NUDT21: variants seen among roughly 807,000 people sequenced by gnomAD.
NUDT21 encodes the protein cleavage and polyadenylation specificity factor subunit 5.
NUDT21 carries 5 observed loss-of-function variants against 29.8 expected under a neutral mutation model. The observed-to-expected ratio is 0.17, with a 90% CI of 0.09 to 0.35. The LOEUF is 0.35. NUDT21 is among the 10% of genes least tolerant of loss of function. NUDT21 has a pLI of 1.00. For missense variants in NUDT21, 76 were observed against 276.0 expected, an observed-to-expected ratio of 0.28 and a Z score of 5.13; for synonymous variants, 113 against 98.5, an observed-to-expected ratio of 1.15 and a Z score of -0.87.
intron 4 of NUDT21, among the ~76,000 whole-genome samples, chr16:56,437,621 G>C (rs1416448019): frequency 2.6e-5 from 4 of 152,096 alleles, no homozygotes; most frequent in African/African-American, 9.7e-5. Flanking sequence ...TATCCAATGG[G>C]GTATAGGAGT....
rs114669844 is a variant in NUDT21, at chr16:56,446,833, G to C, written c.318-144C>G. 1,540 of 534,224 alleles carry C rather than the reference G, an allele frequency of 2.9e-3. 18 individuals carry two copies. Among genetic ancestry groups the C allele is most frequent in the African/African-American group, 0.025 (1,289 of 50,764 alleles). 33.1% of individuals were successfully genotyped at this position (534,224 alleles called of 1,614,324 possible). ...CAAAACAAGTATCAAAGTGAAGGGG[G>C]AGAATATGCTTGAATTCATGTCAAT... On this transcript the variant is annotated intron_variant, in intron 2 of 6. Coordinates refer to ENST00000300291, the MANE Select transcript of NUDT21 (RefSeq NM_007006.3).
chr16:56,447,729 G>A, intron 2 of NUDT21, 60 bp downstream of exon 2: 3 of 1,452,706 alleles, frequency 2.1e-6, no homozygotes, highest in Non-Finnish European at 2.9e-6. Context: ...GTATTCCAGA[G>A]CTGCATAAAC....
intron 4 of NUDT21, among the ~76,000 whole-genome samples, chr16:56,435,743 T>TCA (rs1491361552): frequency 3.7e-5 from 1 of 27,070 alleles, no homozygotes; most frequent in East Asian, 1.0e-3. Flanking sequence ...AAAAAAAAAA[T>TCA]TATATATATA....
chr16:56,435,454 C>T (rs1213305120), intron 4 of NUDT21, among the ~76,000 whole-genome samples: 2 of 151,510 alleles, frequency 1.3e-5, no homozygotes, highest in Non-Finnish European at 1.5e-5. Context: ...AGGCTGGGCA[C>T]AGTGGCTCAC....
chr16:56,449,477 C>T (rs184240245), intron 1 of NUDT21, among the ~76,000 whole-genome samples: 1 of 152,250 alleles, frequency 6.6e-6, no homozygotes, highest in East Asian at 1.9e-4. Context: ...TTAATGTTAA[C>T]TCAGGTGAAC....
intron 5 of NUDT21, 132 bp downstream of exon 5, chr16:56,434,622 G>T: frequency 2.5e-6 from 2 of 790,318 alleles, no homozygotes; most frequent in Non-Finnish European, 4.3e-6. Context: ...GAAACTAAAA[G>T]CATGGTATAC....
At position 56,447,961 on chromosome 16, in the gene NUDT21, T is replaced by C. The variant is rs1962236942; in HGVS notation, c.145A>G (p.Thr49Ala). ...LYPLTNYTFG[T>A]KEPLYEKDSS... ...TCCTTCTCGTAGAGGGGCTCTTTTGTACCAAAAGTATAATTGGTAAGAGGG... is the reference window on the plus strand; with the variant it reads ...TCCTTCTCGTAGAGGGGCTCTTTTGCACCAAAAGTATAATTGGTAAGAGGG... The change falls in exon 2 of 7, where the codon ACA (threonine) becomes GCA (alanine). Residue 49 changes from threonine to alanine, a missense_variant. Thr to Ala is a moderately conservative substitution (Grantham distance 58). Around this residue, in one of 5 missense-constraint regions of NUDT21, gnomAD observed 27 missense variants for 149.5 expected, o/e 0.18. Transcript: ENST00000300291. The C allele has an allele frequency of 1.2e-6, 2 of 1,613,912 alleles. No individual in the cohort carries two copies. Among genetic ancestry groups the C allele is most frequent in the Non-Finnish European group, 1.7e-6 (2 of 1,179,930 alleles).
Position 56,446,695 on chromosome 16 carries a change from T to C in NUDT21, c.318-6A>G, listed in dbSNP as rs1409031107. On this transcript the variant is annotated splice_polypyrimidine_tract_variant and splice_region_variant and intron_variant, in intron 2 of 6. Transcript: ENST00000300291. ...GGTTAAGTTCACCACCAGGTCTGTATAAAAGTTAAGAATTTCAGCTTTCAA... is the reference window on the plus strand; with the variant it reads ...GGTTAAGTTCACCACCAGGTCTGTACAAAAGTTAAGAATTTCAGCTTTCAA... The C allele has an allele frequency of 1.3e-6, 2 of 1,579,198 alleles. No homozygotes were observed. Among genetic ancestry groups the C allele is most frequent in the South Asian group, 1.2e-5 (1 of 86,910 alleles).
At chr16:56,440,937 A>G (rs1410304691) in intron 3 of NUDT21, among the ~76,000 whole-genome samples, 2 of 151,838 alleles carry the variant, frequency 1.3e-5, no homozygotes, top group Non-Finnish European at 2.9e-5. Context: ...ATGGGGTTTC[A>G]CCCTGTTGGT....
At chr16:56,439,543 G>A (rs1962138467) in intron 4 of NUDT21, 114 bp downstream of exon 4, 2 of 756,416 alleles carry the variant, frequency 2.6e-6, no homozygotes, top group African/African-American at 1.7e-5. Context: ...TTAAATTAAG[G>A]AGGGAAGAAA....
In NUDT21 at chr16:56,434,393, T is replaced by C. The variant is rs1405270759; in HGVS notation, c.600A>G (p.Glu200=). The C allele has an allele frequency of 5.0e-6, 8 of 1,613,888 alleles. No homozygotes were observed. Among genetic ancestry groups the C allele is most frequent in the Non-Finnish European group, 5.9e-6 (7 of 1,179,838 alleles). Residue 200 remains glutamate (E), a synonymous_variant, in exon 6 of 7, where the codon GAA becomes GAG. Coordinates refer to ENST00000300291, the MANE Select transcript of NUDT21 (RefSeq NM_007006.3). Reference sequence around the variant, plus strand: ...CATATCCTGGTGCATTGTCATACAATTCAAACAATGGTGCAGCTACCAGCT... The same window carrying C: ...CATATCCTGGTGCATTGTCATACAACTCAAACAATGGTGCAGCTACCAGCT... ...NYKLVAAPLF[E]LYDNAPGYGP...
Position 56,451,243 on chromosome 16 carries a change from G to A in NUDT21, c.-41C>T, listed in dbSNP as rs1307479598. 6.1e-6 allele frequency: 9 copies of A among 1,476,222 alleles called. No individual in the cohort carries two copies. The Middle Eastern group carries it at 5.7e-4, about 93-fold the overall frequency. 91.4% of individuals were successfully genotyped at this position (1,476,222 alleles called of 1,614,324 possible). A position where few individuals can be genotyped will look rare whatever the true frequency, so the allele number is the denominator to read the frequency against. ...CGCTGACGGCGAGCAGAAAGTGGCA[G>A]GCAGGGTAGACTTTCCCCGTGCGGG... On this transcript the variant is annotated 5_prime_UTR_variant, in exon 1 of 7. Coordinates refer to ENST00000300291, the MANE Select transcript of NUDT21 (RefSeq NM_007006.3).
chr16:56,440,056 CAA>C (rs1471761139), intron 3 of NUDT21, among the ~76,000 whole-genome samples: 3 of 152,116 alleles, frequency 2.0e-5, no homozygotes, highest in Non-Finnish European at 4.4e-5. Context: ...TTTAAGTGGC[CAA>C]AAATAGTTCT....
chr16:56,437,945 T>C (rs1416901424), intron 4 of NUDT21, among the ~76,000 whole-genome samples: 1 of 152,218 alleles, frequency 6.6e-6, no homozygotes, highest in African/African-American at 2.4e-5. Context: ...TTTCTTTTTA[T>C]ATGAGGATCA....
At chr16:56,451,028 CGGAGAGTCTATA>C (rs1454102693) in intron 1 of NUDT21, 47 bp downstream of exon 1, 17 of 1,424,076 alleles carry the variant, frequency 1.2e-5, no homozygotes, top group Non-Finnish European at 1.5e-5. Flanking sequence ...GGGGGCGCGT[CGGAGAGTCTATA>C]GGAGCTTTCA....
At chr16:56,441,764 T>C (rs1277427410) in intron 3 of NUDT21, among the ~76,000 whole-genome samples, 2 of 152,248 alleles carry the variant, frequency 1.3e-5, no homozygotes, top group African/African-American at 4.8e-5. Flanking sequence ...AACTGTCCTA[T>C]TCTTTAGTTA....
In NUDT21 at chr16:56,434,793, C is replaced by A; in HGVS notation, c.508G>T (p.Glu170Ter). 6.2e-7 allele frequency: 1 copy of A among 1,602,806 alleles called. No individual in the cohort carries two copies. Among genetic ancestry groups the A allele is most frequent in the South Asian group, 1.1e-5 (1 of 90,718 alleles). ...YIPAHITKPK[E>*]HKKLFLVQLQ... Reference sequence around the variant, plus strand: ...TGAACCAGAAACAACTTCTTATGTTCCTTAGGCTTTGTAATATGTGCAGGA... The same window carrying A: ...TGAACCAGAAACAACTTCTTATGTTACTTAGGCTTTGTAATATGTGCAGGA... Residue 170 changes from glutamate to a stop codon, truncating the protein, a stop_gained, in exon 5 of 7, where the codon GAA becomes TAA. Transcript: ENST00000300291. LOFTEE classifies it high-confidence loss of function.
chr16:56,450,634 A>C (rs1962286079), intron 1 of NUDT21, among the ~76,000 whole-genome samples: 1 of 152,238 alleles, frequency 6.6e-6, no homozygotes. Flanking sequence ...TAGGCATTAC[A>C]GCTAGATCTC....
chr16:56,434,626 G>A, intron 5 of NUDT21, 128 bp downstream of exon 5: 1 of 792,488 alleles, frequency 1.3e-6, no homozygotes, highest in Non-Finnish European at 2.1e-6. Context: ...CTAAAAGCAT[G>A]GTATACATCT....
Sources: gnomAD v4.1 joint callset for allele counts (sites outside exome capture counted in the v4.1 genomes callset) on GRCh38, gnomAD v4.1.1 for gene constraint, gnomAD v4.1.1 regional missense constraint, MANE v1.5 for transcripts, NCBI Gene and HGNC (gene_info 2026-07-23, HGNC 2026-07-21) for gene names.